Variants in KCTD8 observed in about 807,000 individuals in gnomAD.
The protein encoded by KCTD8 is BTB/POZ domain-containing protein KCTD8.
A neutral mutation model predicts 31.5 loss-of-function variants in KCTD8; 27 were observed. That is an observed-to-expected ratio of 0.86 (90% CI 0.63 to 1.18). KCTD8 has a LOEUF of 1.18. Among genes scored for constraint, KCTD8 ranks in the 50% most tolerant of loss-of-function variants. The pLI is 0.00. For missense variants in KCTD8, 658 were observed against 647.7 expected (o/e 1.02, Z -0.17); for synonymous variants, 290 against 280.0 (o/e 1.04, Z -0.36).
intron 1 of KCTD8, among the ~76,000 whole-genome samples, chr4:44,443,248 A>T (rs1181658815): frequency 6.6e-6 from 1 of 152,210 alleles, no homozygotes; most frequent in East Asian, 1.9e-4. Context: ...AAAATAATCA[A>T]CTTTTAAAAT....
At chr4:44,341,056 G>T (rs1718884783) in intron 1 of KCTD8, among the ~76,000 whole-genome samples, 2 of 152,050 alleles carry the variant, frequency 1.3e-5, no homozygotes, top group Admixed American at 1.3e-4. Flanking sequence ...TTGTGGGTTT[G>T]GTTTGAGACC....
chr4:44,324,063 C>CA (rs1718380292), intron 1 of KCTD8, among the ~76,000 whole-genome samples: 2 of 131,948 alleles, frequency 1.5e-5, no homozygotes, highest in African/African-American at 6.2e-5. Flanking sequence ...AAAAACAAAA[C>CA]AAAACAAAAC....
intron 1 of KCTD8, among the ~76,000 whole-genome samples, chr4:44,177,599 T>C (rs1713256530): frequency 6.6e-6 from 1 of 152,124 alleles, no homozygotes; most frequent in Non-Finnish European, 1.5e-5. Flanking sequence ...ACCTGATGGT[T>C]TTAAAAAGAG....
intron 1 of KCTD8, among the ~76,000 whole-genome samples, chr4:44,415,746 G>A (rs1721064810): frequency 1.3e-5 from 2 of 152,212 alleles, no homozygotes; most frequent in Non-Finnish European, 2.9e-5. Context: ...AAGTGAAGGT[G>A]GCTTGGCAGC....
intron 1 of KCTD8, among the ~76,000 whole-genome samples, chr4:44,232,183 C>A (rs2109352951): frequency 6.6e-6 from 1 of 152,236 alleles, no homozygotes; most frequent in South Asian, 2.1e-4. Context: ...ACAATAATTT[C>A]TAGACCAAAA....
chr4:44,305,414 G>A (rs1020913971), intron 1 of KCTD8, among the ~76,000 whole-genome samples: 11 of 151,356 alleles, frequency 7.3e-5, no homozygotes, highest in African/African-American at 2.2e-4. Flanking sequence ...TACTAGACAC[G>A]AAATTACCAA....
At chr4:44,183,529 G>A (rs1713490338) in intron 1 of KCTD8, among the ~76,000 whole-genome samples, 1 of 152,012 alleles carries the variant, frequency 6.6e-6, no homozygotes, top group South Asian at 2.1e-4. Flanking sequence ...ATTCCCTTGG[G>A]CTTTATTATA....
At chr4:44,312,109 T>C (rs994880377) in intron 1 of KCTD8, among the ~76,000 whole-genome samples, 2 of 152,138 alleles carry the variant, frequency 1.3e-5, no homozygotes, top group African/African-American at 4.8e-5. Flanking sequence ...GAAAGGTATA[T>C]GTCTTTAGAT....
chr4:44,265,969 G>T (rs1362611244), intron 1 of KCTD8, among the ~76,000 whole-genome samples: 3 of 152,182 alleles, frequency 2.0e-5, no homozygotes, highest in East Asian at 3.9e-4. Context: ...AAAACACTCT[G>T]CAGGATATTA....
At chr4:44,272,121 T>TTATATA (rs34459205) in intron 1 of KCTD8, among the ~76,000 whole-genome samples, 13 of 142,526 alleles carry the variant, frequency 9.1e-5, no homozygotes, top group African/African-American at 3.0e-4. Flanking sequence ...TGGTATTATA[T>TTATATA]TATATATATA....
chr4:44,218,574 C>CTA lies in KCTD8; in HGVS notation c.962-43326_962-43325dup, dbSNP rs1237643692. On this transcript the variant is annotated intron_variant, in intron 1 of 1. Coordinates refer to ENST00000360029, the MANE Select transcript of KCTD8 (RefSeq NM_198353.3). ...TCTCATGTAACCCATAAATATATAT[C>CTA]TATATATATAAATATATATAGATAT... is the stretch of plus-strand genomic sequence containing the variant. Among the ~76,000 whole-genome samples the CTA allele has an allele frequency of 6.8e-5, 10 of 148,024 alleles. No homozygotes were observed. The East Asian group carries it at 9.8e-4, about 14-fold the overall frequency.
At position 44,427,815 on chromosome 4, in the gene KCTD8, C is replaced by T. The variant is rs536054876; in HGVS notation, c.961+19748G>A. Among the ~76,000 whole-genome samples, 4 of 151,760 alleles carry T rather than the reference C, an allele frequency of 2.6e-5. No individual in the cohort carries two copies. In the South Asian group the frequency reaches 6.2e-4, roughly 24 times the overall value. ...AAGTGATGAGTAATGTCACAGCATACATTAAATAGACAAAAATAGTTTAGT... is the reference window on the plus strand; with the variant it reads ...AAGTGATGAGTAATGTCACAGCATATATTAAATAGACAAAAATAGTTTAGT... On this transcript the variant is annotated intron_variant, in intron 1 of 1. Transcript: ENST00000360029.
chr4:44,270,256 T>C (rs554880921), intron 1 of KCTD8, among the ~76,000 whole-genome samples: 7 of 151,548 alleles, frequency 4.6e-5, no homozygotes, highest in South Asian at 2.1e-4. Flanking sequence ...ATGGATGAAA[T>C]TGGAAATCAT....
At chr4:44,332,600 A>T (rs764760789) in intron 1 of KCTD8, among the ~76,000 whole-genome samples, 5 of 151,942 alleles carry the variant, frequency 3.3e-5, no homozygotes, top group Non-Finnish European at 7.4e-5. Flanking sequence ...AGCATTTCTC[A>T]CAGTTTCTCA....
intron 1 of KCTD8, among the ~76,000 whole-genome samples, chr4:44,305,567 T>C (rs1296724073): frequency 1.3e-5 from 2 of 151,656 alleles, no homozygotes; most frequent in Non-Finnish European, 2.9e-5. Flanking sequence ...CATAAAAAAT[T>C]GAGAAAGCTC....
At chr4:44,335,071 G>GT (rs1242990560) in intron 1 of KCTD8, among the ~76,000 whole-genome samples, 2 of 152,046 alleles carry the variant, frequency 1.3e-5, no homozygotes, top group African/African-American at 4.8e-5. Context: ...CTGGCAAAAC[G>GT]TTTTTTAAAT....
At chr4:44,360,339 C>T (rs538029468) in intron 1 of KCTD8, among the ~76,000 whole-genome samples, 1 of 152,094 alleles carries the variant, frequency 6.6e-6, no homozygotes, top group South Asian at 2.1e-4. Context: ...TTTTGCTTTA[C>T]ACACTTAGTA....
At chr4:44,201,584 G>T (rs1714151542) in intron 1 of KCTD8, among the ~76,000 whole-genome samples, 1 of 151,996 alleles carries the variant, frequency 6.6e-6, no homozygotes. Flanking sequence ...ACGATGTTGG[G>T]ATAACTGGCT....
chr4:44,423,928 C>G (rs1435556085), intron 1 of KCTD8, among the ~76,000 whole-genome samples: 3 of 152,070 alleles, frequency 2.0e-5, no homozygotes, highest in African/African-American at 2.4e-5. Flanking sequence ...CATTCAGAGA[C>G]AGCTTACACA....
Sources: allele counts gnomAD v4.1 joint callset (sites outside exome capture counted in the v4.1 genomes callset), GRCh38; gene constraint gnomAD v4.1.1; transcripts MANE v1.5; gene names NCBI Gene and HGNC (gene_info 2026-07-23, HGNC 2026-07-21).